Variants in ABCA8 observed in about 807,000 individuals in gnomAD.
ABCA8 encodes ABC-type organic anion transporter ABCA8.
In ABCA8, 177 loss-of-function variants were observed where a neutral mutation model predicts 192.3. The observed-to-expected ratio is 0.92, with a 90% confidence interval of 0.81 to 1.04. The LOEUF (loss-of-function observed/expected upper bound fraction) is 1.04. Ranked by LOEUF, ABCA8 falls within the 50% of genes least tolerant of loss-of-function variation. ABCA8 has a pLI of 0.00. For missense variants in ABCA8, 1,915 were observed against 1,904.8 expected (o/e 1.01, Z -0.10); for synonymous variants, 642 against 690.2 (o/e 0.93, Z 1.09).
Position 68,929,104 on chromosome 17 carries a change from A to G in ABCA8, c.1070T>C (p.Leu357Ser). ...TSLYRHLPAS[L>S]EWILSLLSPF... is the part of the protein sequence containing the mutation. Reference sequence around the variant, plus strand: ...ACTAAGCAAGCTTAAAATCCACTCCAAGGATGCAGGAAGGTGTCTGTACAG... The same window carrying G: ...ACTAAGCAAGCTTAAAATCCACTCCGAGGATGCAGGAAGGTGTCTGTACAG... Residue 357 changes from leucine (L) to serine (S), a missense_variant, in exon 9 of 40, where the codon TTG becomes TCG. Transcript: ENST00000586539. 6.2e-7 allele frequency: 1 copy of G among 1,602,980 alleles called. No homozygotes were observed. Among genetic ancestry groups the G allele is most frequent in the Non-Finnish European group, 8.5e-7 (1 of 1,174,016 alleles).
chr17:68,922,233 T>TAAAA lies in ABCA8; in HGVS notation c.1501+8_1501+9insTTTT. ...TTTTTTTTTTTTTTTTTTTTTTTTT[T>TAAAA]TTTTTTACCTTTCAAGGCTTCTATT... is the stretch of plus-strand genomic sequence containing the variant. On this transcript the variant is annotated intron_variant, in intron 12 of 39. Coordinates refer to ENST00000586539, the MANE Select transcript of ABCA8 (RefSeq NM_001288985.2). 3 of 549,584 alleles carry TAAAA rather than the reference T, an allele frequency of 5.5e-6. No homozygotes were observed. Among genetic ancestry groups the TAAAA allele is most frequent in the Admixed American group, 5.6e-5 (1 of 17,808 alleles). The allele number at this position is 549,584 out of a possible 1,614,324, so 34.0% of individuals were successfully genotyped here.
At chr17:68,925,984 C>A (rs1458187440) in intron 10 of ABCA8, among the ~76,000 whole-genome samples, 1 of 152,066 alleles carries the variant, frequency 6.6e-6, no homozygotes, top group African/African-American at 2.4e-5. Context: ...TAATAAAATA[C>A]TATGCTTTTG....
intron 23 of ABCA8, among the ~76,000 whole-genome samples, chr17:68,893,673 G>T: frequency 7.5e-6 from 1 of 133,476 alleles, no homozygotes; most frequent in Non-Finnish European, 1.6e-5. Context: ...CACTATTCTT[G>T]TGCTGGTCAC....
intron 32 of ABCA8, chr17:68,880,675 C>A (rs2066315284): frequency 5.7e-6 from 1 of 174,484 alleles, no homozygotes; most frequent in African/African-American, 2.4e-5. Context: ...TGTGCCAGTG[C>A]CTGGAGCAGC....
intron 17 of ABCA8, among the ~76,000 whole-genome samples, chr17:68,913,339 T>C (rs953680553): frequency 6.6e-6 from 1 of 151,512 alleles, no homozygotes; most frequent in East Asian, 1.9e-4. Flanking sequence ...TCTTAAAAAC[T>C]AGAGAAGCAA....
chr17:68,881,290 G>A, intron 31 of ABCA8, 79 bp from the exon 32 acceptor site: 1 of 1,024,518 alleles, frequency 9.8e-7, no homozygotes, highest in South Asian at 1.4e-5. Flanking sequence ...ATCTCACTAT[G>A]TGACAAGCAT....
In ABCA8 at chr17:68,891,608, A is replaced by G. The variant is rs899370882; in HGVS notation, c.3037-12T>C. The G allele has an allele frequency of 1.3e-6, 2 of 1,571,538 alleles. No homozygotes were observed. The highest frequency in any genetic ancestry group is 1.7e-5 in the Admixed American group (1 of 58,184). Reference sequence around the variant, plus strand: ...TTGTCCTGTCCATTCTGAAAAACCCAAAGAATACAATGAACTGAATGAAGA... The same window carrying G: ...TTGTCCTGTCCATTCTGAAAAACCCGAAGAATACAATGAACTGAATGAAGA... On this transcript the variant is annotated splice_polypyrimidine_tract_variant and intron_variant, in intron 23 of 39. Transcript: ENST00000586539.
chr17:68,891,156 T>C (rs2066613523), intron 24 of ABCA8, among the ~76,000 whole-genome samples: 1 of 152,344 alleles, frequency 6.6e-6, no homozygotes, highest in East Asian at 1.9e-4. Context: ...TCTACATAAT[T>C]ATTCTTAATT....
At chr17:68,883,734 G>T in intron 29 of ABCA8, 57 bp downstream of exon 29, 2 of 1,190,928 alleles carry the variant, frequency 1.7e-6, no homozygotes, top group Non-Finnish European at 2.4e-6. Flanking sequence ...ATTTATGCAT[G>T]AAAAATATTT....
In ABCA8 at chr17:68,885,194, A is replaced by G. The variant is rs761349081; in HGVS notation, c.3549+2T>C. Reference sequence around the variant, plus strand: ...ACTGGGACAGACTGTGTCATTACTTACATGAGAAGATAAGAACAAACAGCC... The same window carrying G: ...ACTGGGACAGACTGTGTCATTACTTGCATGAGAAGATAAGAACAAACAGCC... On this transcript the variant is annotated splice_donor_variant, in intron 27 of 39. Coordinates refer to ENST00000586539, the MANE Select transcript of ABCA8 (RefSeq NM_001288985.2). LOFTEE classifies it high-confidence loss of function. The G allele has an allele frequency of 1.2e-6, 2 of 1,612,158 alleles. No individual in the cohort carries two copies. Among genetic ancestry groups the G allele is most frequent in the South Asian group, 1.1e-5 (1 of 90,600 alleles).
chr17:68,907,875 G>A lies in ABCA8; in HGVS notation c.2143C>T (p.Gln715Ter). 1.3e-6 allele frequency: 2 copies of A among 1,552,466 alleles called. No homozygotes were observed. Among genetic ancestry groups the A allele is most frequent in the South Asian group, 1.3e-5 (1 of 79,516 alleles). ...TCCTCAACACATATTTCATTTAACT[G>A]CAAGCTGGCATTCAGAAAAAAAAAA... ...KWGIGYHLSL[Q>*]LNEICVEENI... The change falls in exon 18 of 40, where the codon CAG (glutamine) becomes TAG (stop). Residue 715 changes from glutamine (Q) to a stop codon, truncating the protein, a stop_gained. Transcript: ENST00000586539. LOFTEE classifies it high-confidence loss of function.
In ABCA8 at chr17:68,909,490, G is replaced by A. The variant is rs143560576; in HGVS notation, c.2139-1611C>T. Among the ~76,000 whole-genome samples the A allele has an allele frequency of 8.5e-5, 13 of 152,266 alleles. No homozygotes were observed. The East Asian group carries it at 1.5e-3, about 18-fold the overall frequency. ...CAAATAGGAGTCCATGAATGGACTC[G>A]CAAATTGGGCAGGGATCCTGACTAG... On this transcript the variant is annotated intron_variant, in intron 17 of 39. Coordinates refer to ENST00000586539, the MANE Select transcript of ABCA8 (RefSeq NM_001288985.2).
At chr17:68,887,295 A>G (rs1381029146) in intron 25 of ABCA8, 41 bp downstream of exon 25, 1 of 1,498,636 alleles carries the variant, frequency 6.7e-7, no homozygotes, top group Non-Finnish European at 9.1e-7. Context: ...TCACACAATG[A>G]TATTGTGAAT....
Position 68,882,588 on chromosome 17 carries a change from T to C in ABCA8, c.3828+11A>G. The stretch of plus-strand genomic sequence containing the variant: ...ACTGACTAATAAAAAAACCTTTGTG[T>C]TATGTTTTACCTCATCAAAATTAGT... On this transcript the variant is annotated intron_variant, in intron 30 of 39. Transcript: ENST00000586539. 1 of 1,603,246 alleles carries C rather than the reference T, an allele frequency of 6.2e-7. No homozygotes were observed. The highest frequency in any genetic ancestry group is 8.5e-7 in the Non-Finnish European group (1 of 1,175,536).
intron 1 of ABCA8, among the ~76,000 whole-genome samples, chr17:68,954,865 C>T (rs1182578085): frequency 2.6e-5 from 4 of 152,158 alleles, no homozygotes; most frequent in African/African-American, 9.7e-5. Flanking sequence ...ACTTCAAAAA[C>T]AACTCAGTCT....
In ABCA8 at chr17:68,875,363, C is replaced by T. The variant is rs754058679; in HGVS notation, c.4528G>A (p.Gly1510Ser). The change falls in exon 37 of 40, where the codon GGC becomes AGC. Residue 1510 changes from glycine to serine, a missense_variant. Gly to Ser is a moderately conservative substitution (Grantham distance 56, BLOSUM62 0). Transcript: ENST00000586539. ...GSIQHLKSKF[G>S]KDYLLEMKVK... The stretch of plus-strand genomic sequence containing the variant: ...TTCATCTCCAGCAGGTAATCTTTGC[C>T]AAATTTGCTTTTCAGGTGTTGGATG... 6.2e-7 allele frequency: 1 copy of T among 1,613,846 alleles called. No individual in the cohort carries two copies. Among genetic ancestry groups the T allele is most frequent in the South Asian group, 1.1e-5 (1 of 91,068 alleles).
At chr17:68,875,829 AT>A (rs1806143504) in intron 35 of ABCA8, 96 bp from the exon 36 acceptor site, 4 of 1,392,136 alleles carry the variant, frequency 2.9e-6, no homozygotes, top group Non-Finnish European at 2.9e-6. Context: ...CGTGTGAATA[AT>A]TAGCAAAAAG....
intron 1 of ABCA8, among the ~76,000 whole-genome samples, chr17:68,953,440 T>C (rs2143837149): frequency 6.6e-6 from 1 of 152,334 alleles, no homozygotes; most frequent in Middle Eastern, 3.4e-3. Flanking sequence ...GTGGTGCTAC[T>C]TTCTAGAGCC....
At chr17:68,880,768 C>T in intron 32 of ABCA8, 1 of 317,412 alleles carries the variant, frequency 3.2e-6, no homozygotes, top group Non-Finnish European at 6.0e-6. Context: ...CGCTATGCAC[C>T]TGGCTCATTC....
Sources: allele counts gnomAD v4.1 joint callset (sites outside exome capture counted in the v4.1 genomes callset), GRCh38; gene constraint gnomAD v4.1.1; transcripts MANE v1.5; gene names NCBI Gene and HGNC (gene_info 2026-07-23, HGNC 2026-07-21).